Variants in FRMPD4 observed in about 807,000 individuals in gnomAD.
The protein encoded by FRMPD4 is FERM and PDZ domain containing 4, also known as FERM and PDZ domain-containing protein 4.
In FRMPD4, 22 loss-of-function variants were observed where a neutral mutation model predicts 94.1. The observed-to-expected ratio is 0.23, with a 90% CI of 0.17 to 0.33. The LOEUF is 0.33. Ranked by LOEUF, FRMPD4 falls within the 10% of genes least tolerant of loss-of-function variation. The probability of loss-of-function intolerance (pLI) is 1.00; values close to 1 mark genes in which losing one functional copy is unlikely to be tolerated. For missense variants in FRMPD4, 1,111 were observed against 1,339.9 expected (o/e 0.83, Z 2.67); for synonymous variants, 631 against 548.6 (o/e 1.15, Z -2.10).
chrX:12,448,261 C>T (rs6530518), intron 1 of FRMPD4, among the ~76,000 whole-genome samples: 34,780 of 110,758 alleles, frequency 0.31, 4,353 homozygotes, highest in East Asian at 0.53. Context: ...GTCCTTTTAA[C>T]GGTAACTACA....
At chrX:12,167,702 T>C (rs957578116) in intron 1 of FRMPD4, among the ~76,000 whole-genome samples, 3 of 112,006 alleles carry the variant, frequency 2.7e-5, no homozygotes, top group Non-Finnish European at 5.6e-5. Context: ...ACTTGTATTT[T>C]ATGGGAAGAC....
intron 9 of FRMPD4, among the ~76,000 whole-genome samples, chrX:12,697,074 ATC>A: frequency 8.9e-6 from 1 of 112,683 alleles, no homozygotes; most frequent in East Asian, 2.8e-4. Context: ...ATAACCCTAC[ATC>A]ATTGGGAAAA....
chrX:12,245,407 C>T (rs773402314), intron 1 of FRMPD4, among the ~76,000 whole-genome samples: 1 of 110,838 alleles, frequency 9.0e-6, no homozygotes, highest in South Asian at 3.9e-4. Context: ...GAAGTGCCAG[C>T]AAGTCCTTTG....
intron 2 of FRMPD4, among the ~76,000 whole-genome samples, chrX:12,577,660 G>A (rs2058825132): frequency 8.9e-6 from 1 of 111,754 alleles, no homozygotes; most frequent in Admixed American, 9.5e-5. Context: ...ATAAGGAATG[G>A]AGGAAGGTGC....
intron 4 of FRMPD4, among the ~76,000 whole-genome samples, chrX:12,634,350 C>T (rs1361919456): frequency 1.8e-5 from 2 of 111,955 alleles, no homozygotes; most frequent in Non-Finnish European, 3.8e-5. Context: ...CATGTCAGAG[C>T]TGAATTGATC....
At chrX:12,371,054 G>T (rs1333143872) in intron 1 of FRMPD4, among the ~76,000 whole-genome samples, 1 of 111,910 alleles carries the variant, frequency 8.9e-6, no homozygotes, top group Non-Finnish European at 1.9e-5. Flanking sequence ...TTCCCTTTTT[G>T]CCTTGACTAC....
chrX:11,866,251 G>A (rs952320759), intron 2 of FRMPD4, among the ~76,000 whole-genome samples: 4 of 112,088 alleles, frequency 3.6e-5, no homozygotes, highest in East Asian at 5.6e-4. Context: ...GTTTGGTGAC[G>A]TGTAACCTTA....
chrX:11,922,314 G>A (rs1447828366), intron 3 of FRMPD4, among the ~76,000 whole-genome samples: 2 of 110,947 alleles, frequency 1.8e-5, no homozygotes, highest in African/African-American at 6.6e-5. Context: ...CAAGAGAGCG[G>A]GTGTGGGGTG....
At chrX:12,369,837 A>G (rs1421766589) in intron 1 of FRMPD4, among the ~76,000 whole-genome samples, 4 of 112,426 alleles carry the variant, frequency 3.6e-5, no homozygotes, top group Non-Finnish European at 7.5e-5. Flanking sequence ...CCTAGTTCCT[A>G]TGCCAAAGAG....
chrX:12,373,014 A>G (rs2056183838), intron 1 of FRMPD4, among the ~76,000 whole-genome samples: 2 of 112,319 alleles, frequency 1.8e-5, no homozygotes. Flanking sequence ...TTTGGGGGAC[A>G]GCACCACTGA....
intron 5 of FRMPD4, among the ~76,000 whole-genome samples, chrX:12,675,638 A>G (rs2059891686): frequency 9.0e-6 from 1 of 111,014 alleles, no homozygotes; most frequent in Admixed American, 9.6e-5. Flanking sequence ...GGCAACCGCT[A>G]ATTTCCTTTC....
intron 4 of FRMPD4, among the ~76,000 whole-genome samples, chrX:12,659,377 G>A (rs961399648): frequency 4.4e-5 from 5 of 112,637 alleles, no homozygotes; most frequent in African/African-American, 1.6e-4. Context: ...TCTTTAGACG[G>A]TAAGCTCTGC....
intron 5 of FRMPD4, among the ~76,000 whole-genome samples, chrX:12,682,829 A>T (rs2059986002): frequency 8.9e-6 from 1 of 112,072 alleles, no homozygotes; most frequent in Non-Finnish European, 1.9e-5. Flanking sequence ...AGCCCATAAG[A>T]TGAGGAAGAA....
chrX:12,617,374 A>G (rs983280966), intron 4 of FRMPD4, among the ~76,000 whole-genome samples: 1 of 112,530 alleles, frequency 8.9e-6, no homozygotes, highest in African/African-American at 3.2e-5. Flanking sequence ...TTCCTGCTAC[A>G]ATAACAGAGT....
At chrX:12,220,152 GCAACAACAACAA>G (rs3063515) in intron 1 of FRMPD4, among the ~76,000 whole-genome samples, 12 of 106,531 alleles carry the variant, frequency 1.1e-4, no homozygotes, top group Admixed American at 9.1e-4. Flanking sequence ...AACAACAACA[GCAACAACAACAA>G]CAACAACAAC....
At chrX:12,503,304 G>A (rs187913566) in intron 2 of FRMPD4, among the ~76,000 whole-genome samples, 10 of 111,563 alleles carry the variant, frequency 9.0e-5, no homozygotes, top group Admixed American at 5.7e-4. Context: ...TTGGCCTGCT[G>A]GCTTCCTGGC....
chrX:12,038,558 G>T (rs1035051753), intron 3 of FRMPD4, among the ~76,000 whole-genome samples: 4 of 111,734 alleles, frequency 3.6e-5, no homozygotes, highest in Admixed American at 2.8e-4. Flanking sequence ...TTTTGTTATA[G>T]TGTGTGCTTT....
intron 4 of FRMPD4, among the ~76,000 whole-genome samples, chrX:12,651,954 A>C (rs765219503): frequency 4.7e-4 from 53 of 112,367 alleles, no homozygotes; most frequent in African/African-American, 1.4e-3. Flanking sequence ...CAAATTCCAA[A>C]TTTGTATTGG....
At chrX:12,569,204 C>T (rs1461451040) in intron 2 of FRMPD4, among the ~76,000 whole-genome samples, 2 of 111,376 alleles carry the variant, frequency 1.8e-5, no homozygotes, top group African/African-American at 6.6e-5. Flanking sequence ...ATAAGTTACC[C>T]AGTCTGTGGT....
Sources: gnomAD v4.1 joint callset for allele counts (sites outside exome capture counted in the v4.1 genomes callset) on GRCh38, gnomAD v4.1.1 for gene constraint, MANE v1.5 for transcripts, NCBI Gene and HGNC (gene_info 2026-07-23, HGNC 2026-07-21) for gene names.